Variants in WASHC2C observed in about 807,000 individuals in gnomAD.
WASHC2C encodes the protein Vaccinia Penetration Factor.
A neutral mutation model predicts 142.2 loss-of-function variants in WASHC2C; 73 were observed. That is an observed-to-expected ratio of 0.51 (90% CI 0.43 to 0.62). The LOEUF (loss-of-function observed/expected upper bound fraction) is 0.62, where lower values mean the gene tolerates loss of function less well. Among genes scored for constraint, WASHC2C ranks in the 20% least tolerant of loss-of-function variants. The pLI, the probability that WASHC2C is intolerant of heterozygous loss-of-function variation, is 0.00. For synonymous variants in WASHC2C, 337 were observed against 565.5 expected, an observed-to-expected ratio of 0.60 and a Z score of 5.73; for missense variants, 969 against 1,531.7, an observed-to-expected ratio of 0.63 and a Z score of 6.13.
chr10:45,736,177 G>T (rs1374070655), intron 3 of WASHC2C, among the ~76,000 whole-genome samples: 1 of 151,242 alleles, frequency 6.6e-6, no homozygotes, highest in Non-Finnish European at 1.5e-5. Context: ...GGAGGCCGAG[G>T]TGGGCGAATC....
intron 5 of WASHC2C, among the ~76,000 whole-genome samples, chr10:45,741,487 T>C (rs1291327345): frequency 6.6e-6 from 1 of 152,090 alleles, no homozygotes; most frequent in Middle Eastern, 3.2e-3. Flanking sequence ...GCAGAGAAAG[T>C]TGTGGAGGTA....
Position 45,789,030 on chromosome 10 carries a change from C to A in WASHC2C, c.3247C>A (p.Leu1083Ile), listed in dbSNP as rs1404481339. The change falls in exon 29 of 31, where the codon CTC (leucine) becomes ATC (isoleucine). Residue 1083 changes from leucine (L) to isoleucine (I), a missense_variant. Transcript: ENST00000623400. ...AISPNGHRPQ[L>I]RAASGEDSTE... is the part of the protein sequence containing the mutation. Reference sequence around the variant, plus strand: ...TTCCCCAAATGGCCATCGGCCACAGCTCAGAGCAGCCAGTGGAGAAGACAG... The same window carrying A: ...TTCCCCAAATGGCCATCGGCCACAGATCAGAGCAGCCAGTGGAGAAGACAG... The A allele has an allele frequency of 1.9e-5, 31 of 1,612,024 alleles. No homozygotes were observed. The highest frequency in any genetic ancestry group is 2.5e-5 in the Non-Finnish European group (30 of 1,179,842).
In WASHC2C at chr10:45,743,455, T is replaced by C. The variant is rs1690699250; in HGVS notation, c.594T>C (p.Asp198=). The change falls in exon 6 of 31, where the codon GAT becomes GAC. Residue 198 remains aspartate, a synonymous_variant. Transcript: ENST00000623400. ...CAAAGCTGTTCATGGAACAAGAAGA[T>C]GTAGGTCTTGGAGAGCTGTCCAGTG... ...IGSKLFMEQE[D]VGLGELSSEE... The C allele has an allele frequency of 1.2e-6, 2 of 1,611,932 alleles. No individual in the cohort carries two copies. Among genetic ancestry groups the C allele is most frequent in the Non-Finnish European group, 1.7e-6 (2 of 1,179,842 alleles).
chr10:45,785,120 A>G (rs59591871), intron 25 of WASHC2C, among the ~76,000 whole-genome samples: 7,467 of 152,190 alleles, frequency 0.049, 165 homozygotes, highest in African/African-American at 0.087. Flanking sequence ...TTAAAACATT[A>G]ATAATCCAGG....
intron 3 of WASHC2C, among the ~76,000 whole-genome samples, chr10:45,735,322 C>T (rs1554864070): frequency 1.3e-5 from 2 of 150,762 alleles, no homozygotes; most frequent in African/African-American, 4.9e-5. Context: ...CTCTGCCTCC[C>T]AAGTTTAAGC....
rs549968454 is a variant in WASHC2C at position 45,786,440 on chromosome 10, G to T, written c.2812-172G>T. 1.0e-4 allele frequency: 82 copies of T among 818,534 alleles called. No homozygotes were observed. In the African/African-American group the frequency reaches 1.2e-3, roughly 12 times the overall value. The allele number at this position is 818,534 out of a possible 1,614,324, so 50.7% of individuals were successfully genotyped here. Reference sequence around the variant, plus strand: ...TTATGTGACAGAGGAGGAGGCATACGTGAAGTAGTGCTAGTGAAACATCAG... The same window carrying T: ...TTATGTGACAGAGGAGGAGGCATACTTGAAGTAGTGCTAGTGAAACATCAG... On this transcript the variant is annotated intron_variant, in intron 26 of 30. Transcript: ENST00000623400.
At chr10:45,784,294 A>G (rs1375839033) in intron 23 of WASHC2C, among the ~76,000 whole-genome samples, 8 of 1,046 alleles carry the variant, frequency 7.6e-3, no homozygotes, top group Non-Finnish European at 0.021. Context: ...ATATATACAC[A>G]TATATATATA....
chr10:45,727,228 C>T (rs1026317396), upstream of WASHC2C: 2 of 1,516,368 alleles, frequency 1.3e-6, no homozygotes, highest in South Asian at 2.5e-5. Flanking sequence ...GGTCACGCCC[C>T]GGGCAGCTTG....
At chr10:45,779,387 C>T in intron 23 of WASHC2C, among the ~76,000 whole-genome samples, 1 of 150,440 alleles carries the variant, frequency 6.6e-6, no homozygotes, top group East Asian at 1.9e-4. Context: ...TTCCTTCTAG[C>T]AAAACTTTGC....
Position 45,757,148 on chromosome 10 carries a change from G to C in WASHC2C, c.1548+9G>C, listed in dbSNP as rs1554877691. ...CAAGAGCAGAAAAAAAGGTGAGCAG[G>C]AGGGAAGACTTAACGCAGGAGCATT... On this transcript the variant is annotated intron_variant, in intron 16 of 30. Transcript: ENST00000623400. The C allele has an allele frequency of 2.5e-6, 4 of 1,610,378 alleles. No homozygotes were observed. Among genetic ancestry groups the C allele is most frequent in the Non-Finnish European group, 3.4e-6 (4 of 1,179,410 alleles).
intron 23 of WASHC2C, 38 bp from the exon 24 acceptor site, chr10:45,784,527 C>T (rs1377655761): frequency 1.9e-6 from 3 of 1,607,928 alleles, no homozygotes; most frequent in African/African-American, 1.3e-5. Context: ...TAAGTTCTTA[C>T]AGCTCTAATC....
chr10:45,727,542 G>A lies in WASHC2C; in HGVS notation c.126+3G>A. ...GGTCGCTGGCGGCCGACGCGGGCGT[G>A]AGAGGCGGGCCCCGGGGACGCGAGA... On this transcript the variant is annotated splice_donor_region_variant and intron_variant, in intron 2 of 30. Transcript: ENST00000623400. 6.3e-7 allele frequency: 1 copy of A among 1,578,498 alleles called. No individual in the cohort carries two copies. The highest frequency in any genetic ancestry group is 8.6e-7 in the Non-Finnish European group (1 of 1,163,838).
At chr10:45,758,665 T>G (rs1410884334) in intron 16 of WASHC2C, among the ~76,000 whole-genome samples, 3 of 150,782 alleles carry the variant, frequency 2.0e-5, no homozygotes. Flanking sequence ...TGGAGTGTAG[T>G]GGTACAATCA....
Position 45,789,126 on chromosome 10 carries a change from C to T in WASHC2C, c.3343C>T (p.Pro1115Ser). 6.2e-7 allele frequency: 1 copy of T among 1,612,060 alleles called. No individual in the cohort carries two copies. ...TCCTGTGCCTGGAGTGGACACAAGC[C>T]CCTTTGCAAAGTCTCTGGGTCATTC... ...GGPVPGVDTSPFAKSLGHSRG... is the reference protein window; with the variant it reads ...GGPVPGVDTSSFAKSLGHSRG... The change falls in exon 29 of 31, where the codon CCC becomes TCC. Residue 1115 changes from proline to serine, a missense_variant. Pro to Ser is a moderately conservative substitution (Grantham distance 74). Transcript: ENST00000623400.
chr10:45,791,530 A>G (rs1210340860), intron 30 of WASHC2C, among the ~76,000 whole-genome samples: 1 of 146,026 alleles, frequency 6.8e-6, no homozygotes, highest in Non-Finnish European at 1.5e-5. Context: ...ATGTCTTTTC[A>G]TGTCAGTACG....
At chr10:45,768,277 G>GCTGAC (rs1483141417) in intron 19 of WASHC2C, among the ~76,000 whole-genome samples, 2 of 151,454 alleles carry the variant, frequency 1.3e-5, no homozygotes, top group Non-Finnish European at 2.9e-5. Flanking sequence ...CCTAACGAGT[G>GCTGAC]CTGACAGTGG....
intron 11 of WASHC2C, 66 bp from the exon 12 acceptor site, chr10:45,752,522 C>A (rs1165563904): frequency 4.5e-6 from 6 of 1,339,400 alleles, no homozygotes; most frequent in Non-Finnish European, 6.4e-6. Flanking sequence ...CAGATGCCAA[C>A]CCGGGAATTT....
chr10:45,736,405 CAAAAAAAAA>C (rs71520974), intron 3 of WASHC2C, among the ~76,000 whole-genome samples: 3 of 24,558 alleles, frequency 1.2e-4, no homozygotes, highest in African/African-American at 2.8e-4. Flanking sequence ...GACTCCATCT[CAAAAAAAAA>C]AAAAAAAAAA....
At position 45,727,430 on chromosome 10, in the gene WASHC2C, C is replaced by T; in HGVS notation, c.17C>T (p.Thr6Ile). MMNRT[T>I]PDQELVPASE... is the part of the protein sequence containing the mutation. ...TTTTCGCTGCAGATGAACCGGACGA[C>T]CCCCGACCAGGAGCTGGTGCCGGCG... Residue 6 changes from threonine (T) to isoleucine (I), a missense_variant, in exon 2 of 31, where the codon ACC becomes ATC. Transcript: ENST00000623400. 6.2e-7 allele frequency: 1 copy of T among 1,611,438 alleles called. No homozygotes were observed.
Sources: gnomAD v4.1 joint callset for allele counts (sites outside exome capture counted in the v4.1 genomes callset) on GRCh38, gnomAD v4.1.1 for gene constraint, MANE v1.5 for transcripts, NCBI Gene and HGNC (gene_info 2026-07-23, HGNC 2026-07-21) for gene names.